FBXL7: variants seen among roughly 807,000 people sequenced by gnomAD.
The protein encoded by FBXL7 is F-box and leucine rich repeat protein 7.
A neutral mutation model predicts 38.3 loss-of-function variants in FBXL7; 12 were observed. The observed-to-expected ratio is 0.31, with a 90% CI of 0.20 to 0.51. The LOEUF (loss-of-function observed/expected upper bound fraction) is 0.51, where lower values mean the gene tolerates loss of function less well. Among genes scored for constraint, FBXL7 ranks in the 20% least tolerant of loss-of-function variants. The pLI is 0.98. For missense variants in FBXL7, 567 were observed against 676.4 expected (o/e 0.84, Z 1.79); for synonymous variants, 297 against 300.9 (o/e 0.99, Z 0.13).
At chr5:15,767,161 C>T (rs1190374869) in intron 2 of FBXL7, among the ~76,000 whole-genome samples, 1 of 152,172 alleles carries the variant, frequency 6.6e-6, no homozygotes, top group African/African-American at 2.4e-5. Context: ...CTCCCTTCTC[C>T]TACACTGCCC....
chr5:15,722,930 C>CAAAAAAAAAAAAAAA (rs1554017097), intron 2 of FBXL7, among the ~76,000 whole-genome samples: 1 of 142,080 alleles, frequency 7.0e-6, no homozygotes, highest in African/African-American at 2.6e-5. Flanking sequence ...TCAAAAAAAA[C>CAAAAAAAAAAAAAAA]AAAAAAAAAA....
chr5:15,798,738 G>T (rs1038241858), intron 2 of FBXL7, among the ~76,000 whole-genome samples: 3 of 152,190 alleles, frequency 2.0e-5, no homozygotes, highest in Non-Finnish European at 2.9e-5. Flanking sequence ...ACAGTGACCT[G>T]AACAAATGCT....
intron 2 of FBXL7, among the ~76,000 whole-genome samples, chr5:15,677,747 C>T (rs538254172): frequency 2.6e-4 from 39 of 152,058 alleles, no homozygotes; most frequent in African/African-American, 5.5e-4. Context: ...CTTAGGCTAC[C>T]GTGTGTATTT....
At chr5:15,527,428 G>T (rs151049169) in intron 1 of FBXL7, among the ~76,000 whole-genome samples, 12 of 151,982 alleles carry the variant, frequency 7.9e-5, no homozygotes, top group Non-Finnish European at 7.4e-5. Flanking sequence ...AGAAATTAAC[G>T]TTTTCAATAT....
chr5:15,551,123 G>T (rs1163582042), intron 1 of FBXL7, among the ~76,000 whole-genome samples: 1 of 152,144 alleles, frequency 6.6e-6, no homozygotes, highest in Non-Finnish European at 1.5e-5. Flanking sequence ...GTTGTACTCA[G>T]CCCTGCCACA....
intron 1 of FBXL7, among the ~76,000 whole-genome samples, chr5:15,579,065 C>T (rs562606804): frequency 5.3e-5 from 8 of 152,162 alleles, no homozygotes; most frequent in Non-Finnish European, 7.3e-5. Context: ...AACAGTGTCA[C>T]GTTCTTTAAC....
intron 2 of FBXL7, among the ~76,000 whole-genome samples, chr5:15,839,680 T>C (rs1738691113): frequency 1.3e-5 from 2 of 152,180 alleles, no homozygotes; most frequent in Admixed American, 1.3e-4. Flanking sequence ...AATAAAGGCG[T>C]TACATTTAGG....
At chr5:15,629,906 T>C (rs1490594198) in intron 2 of FBXL7, among the ~76,000 whole-genome samples, 1 of 152,148 alleles carries the variant, frequency 6.6e-6, no homozygotes, top group African/African-American at 2.4e-5. Flanking sequence ...ATGAGAGATG[T>C]AGTTACTTTT....
chr5:15,921,512 G>C (rs886592459), intron 2 of FBXL7, among the ~76,000 whole-genome samples: 1 of 151,888 alleles, frequency 6.6e-6, no homozygotes, highest in Admixed American at 6.6e-5. Context: ...GTAACTCATT[G>C]AGTTTACCTT....
intron 1 of FBXL7, among the ~76,000 whole-genome samples, chr5:15,606,546 A>T (rs1740031219): frequency 6.6e-6 from 1 of 152,254 alleles, no homozygotes; most frequent in African/African-American, 2.4e-5. Context: ...GGTGTAAAGA[A>T]AGTACCAGTT....
intron 2 of FBXL7, among the ~76,000 whole-genome samples, chr5:15,820,631 G>T (rs1047155833): frequency 6.6e-6 from 1 of 152,002 alleles, no homozygotes; most frequent in African/African-American, 2.4e-5. Flanking sequence ...TGAGTCTTAT[G>T]TATGCTTTTC....
chr5:15,872,001 T>C (rs1401640889), intron 2 of FBXL7, among the ~76,000 whole-genome samples: 2 of 151,864 alleles, frequency 1.3e-5, no homozygotes, highest in African/African-American at 4.8e-5. Flanking sequence ...TCCCCAAAGT[T>C]GAAATGAAGG....
intron 1 of FBXL7, among the ~76,000 whole-genome samples, chr5:15,548,831 A>G (rs752406333): frequency 6.6e-6 from 1 of 152,172 alleles, no homozygotes; most frequent in Non-Finnish European, 1.5e-5. Flanking sequence ...AAATGCAGGG[A>G]ATCTACATTT....
chr5:15,698,180 G>GTA (rs1743397911), intron 2 of FBXL7, among the ~76,000 whole-genome samples: 1 of 152,128 alleles, frequency 6.6e-6, no homozygotes, highest in African/African-American at 2.4e-5. Context: ...CAGATAATCT[G>GTA]TAATCTCTTA....
intron 2 of FBXL7, among the ~76,000 whole-genome samples, chr5:15,677,523 AAAG>A (rs1253599454): frequency 2.0e-5 from 3 of 151,454 alleles, no homozygotes; most frequent in African/African-American, 7.3e-5. Flanking sequence ...AAGAAGGAGA[AAAG>A]GAGGGAGGGA....
chr5:15,523,415 T>C (rs930446796), intron 1 of FBXL7, among the ~76,000 whole-genome samples: 12 of 152,008 alleles, frequency 7.9e-5, no homozygotes, highest in Admixed American at 6.5e-4. Flanking sequence ...AAAAATTAGC[T>C]GGGTGTGGTG....
At chr5:15,571,376 C>G (rs1303098186) in intron 1 of FBXL7, among the ~76,000 whole-genome samples, 6 of 152,092 alleles carry the variant, frequency 3.9e-5, no homozygotes, top group African/African-American at 1.4e-4. Context: ...ACTTCTAAAC[C>G]TTGACCCTCC....
chr5:15,845,724 C>A (rs943036610), intron 2 of FBXL7, among the ~76,000 whole-genome samples: 1 of 152,130 alleles, frequency 6.6e-6, no homozygotes, highest in Non-Finnish European at 1.5e-5. Flanking sequence ...GTAATCCCAG[C>A]ACTTTGGGAG....
At chr5:15,756,188 A>G (rs956145995) in intron 2 of FBXL7, among the ~76,000 whole-genome samples, 1 of 152,080 alleles carries the variant, frequency 6.6e-6, no homozygotes, top group African/African-American at 2.4e-5. Flanking sequence ...CTTTTTTTTC[A>G]CTAAGTCTAG....
Sources: allele counts gnomAD v4.1 joint callset (sites outside exome capture counted in the v4.1 genomes callset), GRCh38; gene constraint gnomAD v4.1.1; transcripts MANE v1.5; gene names NCBI Gene and HGNC (gene_info 2026-07-23, HGNC 2026-07-21).